DENND4A: variants seen among roughly 807,000 people sequenced by gnomAD.
DENND4A encodes the protein C-myc promoter-binding protein.
A neutral mutation model predicts 199.3 loss-of-function variants in DENND4A; 70 were observed. The ratio of observed to expected loss-of-function variants is 0.35; its 90% confidence interval spans 0.29 to 0.43. The LOEUF (loss-of-function observed/expected upper bound fraction) is 0.43. DENND4A is among the 20% of genes least tolerant of loss of function. DENND4A has a pLI of 1.00. For missense variants in DENND4A, 1,723 were observed against 2,255.8 expected (o/e 0.76, Z 4.78); for synonymous variants, 686 against 766.9 (o/e 0.89, Z 1.74).
chr15:65,670,066 A>T lies in DENND4A; in HGVS notation c.4587T>A (p.Asn1529Lys), dbSNP rs1397652025. Residue 1529 changes from asparagine (N) to lysine (K), a missense_variant, in exon 26 of 33, where the codon AAT becomes AAA. Physicochemically the swap from Asn to Lys is moderately conservative, Grantham distance 94. Around this residue, in one of 6 missense-constraint regions of DENND4A, gnomAD observed 141 missense variants for 170.7 expected, o/e 0.83. Coordinates refer to ENST00000443035, the MANE Select transcript of DENND4A (RefSeq NM_001320835.1). ...CTATATTCAGAAAGGGTAAGAAGAT[A>T]TTGCCACAGAATGGGCATGTAGTAT... ...NLNTTCPFCG[N>K]IFLPFLNIEI... 3 of 1,603,490 alleles carry T rather than the reference A, an allele frequency of 1.9e-6. No homozygotes were observed. Among genetic ancestry groups the T allele is most frequent in the Non-Finnish European group, 2.6e-6 (3 of 1,174,620 alleles).
At chr15:65,701,228 A>G in intron 18 of DENND4A, 36 bp from the exon 19 acceptor site, 1 of 1,449,968 alleles carries the variant, frequency 6.9e-7, no homozygotes, top group East Asian at 2.5e-5. Flanking sequence ...TTAGTAAAAT[A>G]ATTTTTATAA....
At chr15:65,781,255 A>G (rs1164214384) in intron 1 of DENND4A, among the ~76,000 whole-genome samples, 2 of 152,212 alleles carry the variant, frequency 1.3e-5, no homozygotes, top group Non-Finnish European at 2.9e-5. Context: ...AGATTAGAGA[A>G]CCAGGTAGAA....
chr15:65,736,131 G>A (rs1283135892), intron 7 of DENND4A, among the ~76,000 whole-genome samples: 1 of 152,198 alleles, frequency 6.6e-6, no homozygotes, highest in Non-Finnish European at 1.5e-5. Context: ...ATAATAAAAT[G>A]TGTCTACATT....
intron 1 of DENND4A, among the ~76,000 whole-genome samples, chr15:65,764,538 T>A (rs1596644248): frequency 6.6e-6 from 1 of 151,950 alleles, no homozygotes; most frequent in Admixed American, 6.6e-5. Flanking sequence ...GGCTGAGACA[T>A]GAGAATTGCT....
In DENND4A at chr15:65,746,369, C is replaced by CTTTTTTTTTTTTTTTTTTTTTT. The variant is rs573935476; in HGVS notation, c.562-4607_562-4586dup. ...CTTGTTAACAATTCTACTTTTTTCT[C>CTTTTTTTTTTTTTTTTTTTTTT]TTTTTTTTTTTTTTTTTTTTTTTTT... On this transcript the variant is annotated intron_variant, in intron 4 of 32. Coordinates refer to ENST00000443035, the MANE Select transcript of DENND4A (RefSeq NM_001320835.1). Among the ~76,000 whole-genome samples, 2 of 51,268 alleles carry CTTTTTTTTTTTTTTTTTTTTTT rather than the reference C, an allele frequency of 3.9e-5. 1 individual carries two copies. Among genetic ancestry groups the CTTTTTTTTTTTTTTTTTTTTTT allele is most frequent in the East Asian group, 9.7e-4 (2 of 2,066 alleles). 33.6% of individuals were successfully genotyped at this position (51,268 alleles called of 152,430 possible).
chr15:65,740,659 G>A (rs963750300), intron 5 of DENND4A, among the ~76,000 whole-genome samples: 4 of 151,054 alleles, frequency 2.6e-5, no homozygotes, highest in African/African-American at 9.7e-5. Context: ...GTGATAAATT[G>A]TAGATCTAAA....
In DENND4A at chr15:65,773,002, CAAAAA is replaced by C. The variant is rs61241995; in HGVS notation, c.-101-11569_-101-11565del. Among the ~76,000 whole-genome samples the C allele has an allele frequency of 3.7e-3, 381 of 102,120 alleles. 1 individual carries two copies. The highest frequency in any genetic ancestry group is 6.0e-3 in the Non-Finnish European group (299 of 49,674). 67.0% of individuals were successfully genotyped at this position (102,120 alleles called of 152,430 possible). On this transcript the variant is annotated intron_variant, in intron 1 of 32. Transcript: ENST00000443035. ...GAAATCAATTTCTATTGTTTCTAAG[CAAAAA>C]AAAAAAAAAAAAAAAAAAAAATCAT... is the stretch of plus-strand genomic sequence containing the variant.
chr15:65,720,967 A>ACAAATATGTATATGTATATG (rs71139428), intron 12 of DENND4A, among the ~76,000 whole-genome samples: 1 of 81,092 alleles, frequency 1.2e-5, no homozygotes, highest in Non-Finnish European at 2.6e-5. Context: ...ATATATATAT[A>ACAAATATGTATATGTATATG]TATATATATA....
chr15:65,678,363 G>C (rs550457256), intron 23 of DENND4A, among the ~76,000 whole-genome samples: 2 of 152,046 alleles, frequency 1.3e-5, no homozygotes, highest in East Asian at 3.9e-4. Context: ...ATTTTAATTA[G>C]ACTACCCTGA....
chr15:65,705,285 C>T (rs1317007436), intron 15 of DENND4A, among the ~76,000 whole-genome samples: 1 of 152,022 alleles, frequency 6.6e-6, no homozygotes, highest in Non-Finnish European at 1.5e-5. Flanking sequence ...ATGAAAATAA[C>T]AAACCATGAT....
intron 1 of DENND4A, chr15:65,771,263 C>A: frequency 6.3e-7 from 1 of 1,588,808 alleles, no homozygotes; most frequent in Non-Finnish European, 8.6e-7. Flanking sequence ...TCGATCACCA[C>A]GGTATACTTT....
At position 65,752,440 on chromosome 15, in the gene DENND4A, C is replaced by T. The variant is rs752682760; in HGVS notation, c.500G>A (p.Ser167Asn). 1 of 1,613,280 alleles carries T rather than the reference C, an allele frequency of 6.2e-7. No individual in the cohort carries two copies. Among genetic ancestry groups the T allele is most frequent in the Non-Finnish European group, 8.5e-7 (1 of 1,179,718 alleles). ...CGTGTGTGGTGGGCTTTCTCCTTTA[C>T]TGGGTATAATAATACATATGTCAGT... The part of the protein sequence containing the change: ...AVTDICIIIP[S>N]KGESPPHTFC... The change falls in exon 4 of 33, where the codon AGT (serine) becomes AAT (asparagine). Residue 167 changes from serine (S) to asparagine (N), a missense_variant. Physicochemically the swap from Ser to Asn is conservative, Grantham distance 46 (BLOSUM62 1). Around this residue, in one of 6 missense-constraint regions of DENND4A, gnomAD observed 725 missense variants for 952.9 expected, o/e 0.76. Transcript: ENST00000443035.
At chr15:65,715,745 G>C (rs770185174) in intron 13 of DENND4A, 122 bp from the exon 14 acceptor site, 2 of 894,790 alleles carry the variant, frequency 2.2e-6, no homozygotes, top group Admixed American at 3.6e-5. Flanking sequence ...CTACCATTTC[G>C]CAAGTGCTGA....
chr15:65,672,595 G>A (rs1363627970), intron 24 of DENND4A, among the ~76,000 whole-genome samples: 2 of 149,686 alleles, frequency 1.3e-5, no homozygotes, highest in East Asian at 3.9e-4. Flanking sequence ...GTGGGCAGCA[G>A]AATGAGATCC....
At chr15:65,693,689 G>C (rs2077049265) in intron 22 of DENND4A, among the ~76,000 whole-genome samples, 1 of 151,534 alleles carries the variant, frequency 6.6e-6, no homozygotes, top group Admixed American at 6.6e-5. Context: ...ATGATATGCT[G>C]AAGGAAGTCT....
chr15:65,761,404 G>A lies in DENND4A; in HGVS notation c.-67C>T, dbSNP rs2076845534. 1 of 152,204 alleles carries A rather than the reference G, an allele frequency of 6.6e-6. No homozygotes were observed. The highest frequency in any genetic ancestry group is 2.4e-5 in the African/African-American group (1 of 41,456). The allele number at this position is 152,204 out of a possible 1,614,324, so 9.4% of individuals were successfully genotyped here. On this transcript the variant is annotated 5_prime_UTR_variant, in exon 2 of 33. Coordinates refer to ENST00000443035, the MANE Select transcript of DENND4A (RefSeq NM_001320835.1). ...TCTGAAAAAGATGACAGATTTCAATGTGTGAACTCCGCAGCCTCAGAGTTT... is the reference window on the plus strand; with the variant it reads ...TCTGAAAAAGATGACAGATTTCAATATGTGAACTCCGCAGCCTCAGAGTTT...
chr15:65,680,833 C>T (rs1013716527), intron 23 of DENND4A: 26 of 152,104 alleles, frequency 1.7e-4, no homozygotes, highest in Non-Finnish European at 3.2e-4. Flanking sequence ...AGCATTATGT[C>T]TAAAAAATGC....
intron 7 of DENND4A, among the ~76,000 whole-genome samples, chr15:65,735,982 T>C (rs2076104121): frequency 6.6e-6 from 1 of 152,210 alleles, no homozygotes; most frequent in Non-Finnish European, 1.5e-5. Flanking sequence ...TCCCAGCTAC[T>C]GGCAATATTT....
intron 3 of DENND4A, among the ~76,000 whole-genome samples, chr15:65,753,704 ATG>A (rs1037135386): frequency 1.1e-4 from 16 of 150,716 alleles, no homozygotes; most frequent in South Asian, 2.1e-4. Context: ...TATAAATTAA[ATG>A]TGTTTTTGCA....
Sources: gnomAD v4.1 joint callset for allele counts (sites outside exome capture counted in the v4.1 genomes callset) on GRCh38, gnomAD v4.1.1 for gene constraint, gnomAD v4.1.1 regional missense constraint, MANE v1.5 for transcripts, NCBI Gene and HGNC (gene_info 2026-07-23, HGNC 2026-07-21) for gene names.